Variants in TAF1 observed in about 807,000 individuals in gnomAD.
The protein encoded by TAF1 is TATA-box binding protein associated factor 1.
Under a neutral mutation model 138.5 loss-of-function variants are expected in TAF1, and 2 were observed. That is an observed-to-expected ratio of 0.01 (90% CI 0.01 to 0.05). The LOEUF is 0.05. Among genes scored for constraint, TAF1 ranks in the 10% least tolerant of loss-of-function variants. TAF1 has a pLI of 1.00. For synonymous variants in TAF1, 437 were observed against 503.2 expected, an observed-to-expected ratio of 0.87 and a Z score of 1.76; for missense variants, 709 against 1,478.0, an observed-to-expected ratio of 0.48 and a Z score of 8.53.
At chrX:71,373,517 A>G (rs1175950329) in intron 3 of TAF1, among the ~76,000 whole-genome samples, 1 of 111,527 alleles carries the variant, frequency 9.0e-6, no homozygotes, top group East Asian at 2.8e-4. Context: ...ATTGGGGGTT[A>G]TGAGATTGAT....
Position 71,366,369 on chromosome X carries a change from G to A in TAF1, c.-6G>A, listed in dbSNP as rs2032472220. The A allele has an allele frequency of 8.3e-7, 1 of 1,207,805 alleles. No individual in the cohort carries two copies. Among genetic ancestry groups the A allele is most frequent in the Non-Finnish European group, 1.1e-6 (1 of 894,788 alleles). ...GACAGCAGCTACCATCACTGCTGCC[G>A]CCATCATGTCAGACACGGACAGCGA... On this transcript the variant is annotated 5_prime_UTR_variant, in exon 1 of 38. Transcript: ENST00000423759.
At chrX:71,524,372 A>G (rs2039958265) in intron 13 of TAF1, among the ~76,000 whole-genome samples, 1 of 111,105 alleles carries the variant, frequency 9.0e-6, no homozygotes, top group Non-Finnish European at 1.9e-5. Context: ...ACATATTACA[A>G]CACACTCCAT....
chrX:71,500,908 A>G (rs1302412822), intron 13 of TAF1, among the ~76,000 whole-genome samples: 1 of 109,553 alleles, frequency 9.1e-6, no homozygotes, highest in East Asian at 2.9e-4. Flanking sequence ...ACTAAAAAAT[A>G]CAAAAAATTG....
intron 13 of TAF1, among the ~76,000 whole-genome samples, chrX:71,484,173 A>G (rs2039130572): frequency 9.0e-6 from 1 of 111,149 alleles, no homozygotes; most frequent in Non-Finnish European, 1.9e-5. Flanking sequence ...TCCAGCCCTC[A>G]TTCTTTTAAA....
chrX:71,527,380 C>G (rs1293130399), intron 13 of TAF1, among the ~76,000 whole-genome samples: 7 of 94,825 alleles, frequency 7.4e-5, no homozygotes, highest in Admixed American at 1.2e-4. Context: ...GAGCCAAACT[C>G]CGTCTCAAAA....
chrX:71,407,162 C>G (rs916513339), intron 26 of TAF1, among the ~76,000 whole-genome samples: 1 of 107,621 alleles, frequency 9.3e-6, no homozygotes, highest in Admixed American at 1.0e-4. Context: ...GTAATCCACT[C>G]GCTTTGGCCT....
rs181603806 is a variant in TAF1, at chrX:71,394,718, G to A, written c.3406+473G>A. ...GTGATCTTAGCTTACTGCAGCCCCC[G>A]CCTCCCAGGCTCAAACGATCCTCCT... is the stretch of plus-strand genomic sequence containing the variant. On this transcript the variant is annotated intron_variant, in intron 22 of 37. Transcript: ENST00000423759. Among the ~76,000 whole-genome samples, 13 of 111,985 alleles carry A rather than the reference G, an allele frequency of 1.2e-4. No homozygotes were observed. In the East Asian group the frequency reaches 2.0e-3, roughly 17 times the overall value.
chrX:71,409,713 C>G (rs1340556778), intron 28 of TAF1, among the ~76,000 whole-genome samples: 1 of 111,198 alleles, frequency 9.0e-6, no homozygotes, highest in East Asian at 2.8e-4. Context: ...CATTTATCTA[C>G]TTTCCATCTC....
At chrX:71,504,632 A>G (rs748231921) in intron 13 of TAF1, among the ~76,000 whole-genome samples, 1 of 104,421 alleles carries the variant, frequency 9.6e-6, no homozygotes, top group Non-Finnish European at 1.9e-5. Context: ...CCCAACTACT[A>G]ATACTCGGGA....
At chrX:71,399,253 C>CT (rs1159549890) in intron 24 of TAF1, among the ~76,000 whole-genome samples, 4,393 of 70,290 alleles carry the variant, frequency 0.062, 278 homozygotes, top group African/African-American at 0.14. Flanking sequence ...CATTTATTCT[C>CT]TTTTTTTTTT....
rs989585536 is a variant in TAF1 at position 71,486,007 on chromosome X, G to A, written c.1366+25204G>A. Among the ~76,000 whole-genome samples the A allele has an allele frequency of 3.7e-5, 4 of 108,546 alleles. No homozygotes were observed. The Admixed American group carries it at 4.0e-4, about 11-fold the overall frequency. The allele number at this position is 108,546 out of a possible 115,157, so 94.3% of individuals were successfully genotyped here. A position where few individuals can be genotyped will look rare whatever the true frequency, so the allele number is the denominator to read the frequency against. Reference sequence around the variant, plus strand: ...TTATTTATTTTTGAGACAGAATCTTGCGTTGTCACCCAGGCTGGAGTGCAG... The same window carrying A: ...TTATTTATTTTTGAGACAGAATCTTACGTTGTCACCCAGGCTGGAGTGCAG... On this transcript the variant is annotated intron_variant and NMD_transcript_variant, in intron 13 of 14. Coordinates refer to the TAF1 transcript ENST00000373775.
At chrX:71,454,983 G>A in intron 34 of TAF1, 126 bp downstream of exon 34, 3 of 1,168,271 alleles carry the variant, frequency 2.6e-6, no homozygotes, top group African/African-American at 1.8e-5. Context: ...TATGCCTTTC[G>A]TGTGCTTTCT....
chrX:71,528,308 C>A, intron 13 of TAF1: 2 of 278,314 alleles, frequency 7.2e-6, no homozygotes, highest in South Asian at 7.2e-5. Flanking sequence ...TAAGGCTTGT[C>A]ACAACCATAG....
At chrX:71,440,783 T>C (rs1002131483) in intron 32 of TAF1, among the ~76,000 whole-genome samples, 25 of 111,746 alleles carry the variant, frequency 2.2e-4, no homozygotes, top group Non-Finnish European at 4.5e-4. Context: ...TTGGCATTTT[T>C]CTTTTTTTAA....
chrX:71,450,684 C>T lies in TAF1; in HGVS notation c.4754-3486C>T, dbSNP rs141264568. ...CCCTATTTGTTTACAGTCTATTTCA[C>T]TGTACTAGACTATAAACTTCTTGAG... On this transcript the variant is annotated intron_variant, in intron 32 of 37. Coordinates refer to ENST00000423759, the MANE Select transcript of TAF1 (RefSeq NM_004606.5). 3.4e-3 allele frequency among the ~76,000 whole-genome samples: 380 copies of T among 112,332 alleles called. 2 individuals carry two copies. The highest frequency in any genetic ancestry group is 0.012 in the African/African-American group (358 of 30,966).
intron 34 of TAF1, 45 bp downstream of exon 34, chrX:71,454,902 G>A (rs1445124874): frequency 3.3e-6 from 4 of 1,202,979 alleles, no homozygotes. Context: ...TTTCTTATTG[G>A]TTTGGGAAAT....
rs774436329 is a variant in TAF1 at position 71,499,853 on chromosome X, C to T, written c.1367-28689C>T. Among the ~76,000 whole-genome samples the T allele has an allele frequency of 3.6e-5, 4 of 112,205 alleles. No individual in the cohort carries two copies. The East Asian group carries it at 8.3e-4, about 23-fold the overall frequency. The stretch of plus-strand genomic sequence containing the variant: ...AGGGTTTGATCTAACAATAGCATGA[C>T]ATCTCTCCAAGTGAGATCGAAGGTT... On this transcript the variant is annotated intron_variant and NMD_transcript_variant, in intron 13 of 14. Coordinates refer to the TAF1 transcript ENST00000373775.
intron 9 of TAF1, among the ~76,000 whole-genome samples, chrX:71,382,156 C>T (rs1272682715): frequency 8.9e-6 from 1 of 111,822 alleles, no homozygotes; most frequent in Admixed American, 9.6e-5. Flanking sequence ...TAGTTTGTTC[C>T]GTTAGTGAAT....
chrX:71,393,619 G>A, intron 21 of TAF1, 143 bp downstream of exon 21: 1 of 876,736 alleles, frequency 1.1e-6, no homozygotes, highest in Non-Finnish European at 1.5e-6. Context: ...GTATATGTTT[G>A]TAATCCCACC....
Sources: allele counts gnomAD v4.1 joint callset (sites outside exome capture counted in the v4.1 genomes callset), GRCh38; gene constraint gnomAD v4.1.1; transcripts MANE v1.5; gene names NCBI Gene and HGNC (gene_info 2026-07-23, HGNC 2026-07-21).